The following FBXO15 variants were observed in gnomAD, a reference collection of about 807,000 sequenced individuals.
FBXO15 encodes the protein F-box protein 15.
FBXO15 carries 30 observed loss-of-function variants against 49.5 expected under a neutral mutation model. That is an observed-to-expected ratio of 0.61 (90% CI 0.45 to 0.82). The LOEUF is 0.82. Ranked by LOEUF, FBXO15 falls within the 40% of genes least tolerant of loss-of-function variation. The pLI, the probability that FBXO15 is intolerant of heterozygous loss-of-function variation, is 0.00. For synonymous variants in FBXO15, 250 were observed against 232.7 expected (o/e 1.07, Z -0.68); for missense variants, 591 against 631.5 (o/e 0.94, Z 0.69).
chr18:74,085,682 A>G (rs1200791273), intron 8 of FBXO15, among the ~76,000 whole-genome samples: 1 of 152,258 alleles, frequency 6.6e-6, no homozygotes, highest in Non-Finnish European at 1.5e-5. Context: ...TTGATTTTTG[A>G]CAAAGTCATC....
Position 74,147,787 on chromosome 18 carries a change from G to A in FBXO15, c.-2C>T, listed in dbSNP as rs1375912937. 7.8e-6 allele frequency: 12 copies of A among 1,530,318 alleles called. No homozygotes were observed. The highest frequency in any genetic ancestry group is 1.1e-5 in the Non-Finnish European group (12 of 1,141,082). 94.8% of individuals were successfully genotyped at this position (1,530,318 alleles called of 1,614,324 possible). The stretch of plus-strand genomic sequence containing the variant: ...GATCCGACCGCGTCCAGTCGCCATA[G>A]AGACAAGGAGTTCACCACAGGACCG... On this transcript the variant is annotated 5_prime_UTR_variant, in exon 1 of 10. Coordinates refer to ENST00000419743, the MANE Select transcript of FBXO15 (RefSeq NM_001142958.2).
intron 9 of FBXO15, among the ~76,000 whole-genome samples, chr18:74,077,614 G>T (rs190353635): frequency 5.4e-4 from 82 of 152,300 alleles, no homozygotes; most frequent in Non-Finnish European, 9.6e-4. Flanking sequence ...CCTGGGCTGC[G>T]AGGAGGACAC....
At position 74,144,600 on chromosome 18, in the gene FBXO15, G is replaced by A. The variant is rs532189951; in HGVS notation, c.116+3070C>T. ...TCTGCAGCAAACTCAAAATTTCTTA[G>A]GAGTCTCCCAATTGATCTTAAAAAT... On this transcript the variant is annotated intron_variant, in intron 1 of 9. Coordinates refer to ENST00000419743, the MANE Select transcript of FBXO15 (RefSeq NM_001142958.2). Among the ~76,000 whole-genome samples, 42 of 152,192 alleles carry A rather than the reference G, an allele frequency of 2.8e-4. No individual in the cohort carries two copies. In the South Asian group the frequency reaches 8.5e-3, roughly 31 times the overall value.
intron 8 of FBXO15, among the ~76,000 whole-genome samples, chr18:74,082,353 G>C (rs917561916): frequency 6.6e-6 from 1 of 152,202 alleles, no homozygotes; most frequent in Admixed American, 6.5e-5. Context: ...CGCTGAAGGA[G>C]GAAAGGGTTC....
rs1979533608 is a variant in FBXO15 at position 74,147,686 on chromosome 18, T to C, written c.100A>G (p.Arg34Gly). The C allele has an allele frequency of 6.8e-7, 1 of 1,465,864 alleles. No homozygotes were observed. The highest frequency in any genetic ancestry group is 2.8e-5 in the East Asian group (1 of 35,388). The allele number at this position is 1,465,864 out of a possible 1,614,324, so 90.8% of individuals were successfully genotyped here. The change falls in exon 1 of 10, where the codon AGG becomes GGG. Residue 34 changes from arginine (R) to glycine (G), a missense_variant. Coordinates refer to ENST00000419743, the MANE Select transcript of FBXO15 (RefSeq NM_001142958.2). Reference protein sequence around the residue: ...RGGGAARGRARAFGCRKGPGV... With the variant: ...RGGGAARGRAGAFGCRKGPGV... ...TACAGTCACCTGCACCCAAAGGCCC[T>C]GGCGCGCCCCCGGGCCGCGCCACCG... is the stretch of plus-strand genomic sequence containing the variant.
intron 1 of FBXO15, chr18:74,147,409 A>T: frequency 1.1e-6 from 1 of 887,732 alleles, no homozygotes; most frequent in Non-Finnish European, 1.4e-6. Flanking sequence ...CTGTCCTGGC[A>T]GGTGCGCGCA....
intron 8 of FBXO15, among the ~76,000 whole-genome samples, chr18:74,096,393 C>T (rs1913275250): frequency 6.6e-6 from 1 of 151,954 alleles, no homozygotes; most frequent in African/African-American, 2.4e-5. Flanking sequence ...TTTGGGGCCT[C>T]CTGCATCTGA....
intron 1 of FBXO15, among the ~76,000 whole-genome samples, chr18:74,145,491 G>A (rs143116665): frequency 6.1e-4 from 93 of 151,500 alleles, no homozygotes; most frequent in African/African-American, 2.1e-3. Flanking sequence ...TCCTGTCAGA[G>A]CTCTCTGTAC....
chr18:74,102,337 AACAAACAC>A (rs1351656206), intron 8 of FBXO15, among the ~76,000 whole-genome samples: 1 of 152,212 alleles, frequency 6.6e-6, no homozygotes, highest in Non-Finnish European at 1.5e-5. Flanking sequence ...ACAAATGGCC[AACAAACAC>A]AAAAAAAATG....
chr18:74,095,400 T>C (rs1251090854), intron 8 of FBXO15, among the ~76,000 whole-genome samples: 1 of 152,206 alleles, frequency 6.6e-6, no homozygotes, highest in Non-Finnish European at 1.5e-5. Flanking sequence ...AACTCTTCAC[T>C]TGAATGCTTA....
chr18:74,123,833 C>T (rs1914577612), intron 7 of FBXO15, among the ~76,000 whole-genome samples: 1 of 152,074 alleles, frequency 6.6e-6, no homozygotes, highest in Non-Finnish European at 1.5e-5. Context: ...TCTCAGTGTC[C>T]AGGGGACAAA....
Position 74,147,803 on chromosome 18 carries a change from C to T in FBXO15, c.-18G>A, listed in dbSNP as rs1599203185. ...GTCGCCATAGAGACAAGGAGTTCAC[C>T]ACAGGACCGCGCCAGGGCTGAAACG... On this transcript the variant is annotated 5_prime_UTR_variant, in exon 1 of 10. Coordinates refer to ENST00000419743, the MANE Select transcript of FBXO15 (RefSeq NM_001142958.2). 2.6e-6 allele frequency: 4 copies of T among 1,510,112 alleles called. No homozygotes were observed. Among genetic ancestry groups the T allele is most frequent in the African/African-American group, 2.8e-5 (2 of 70,598 alleles). The allele number at this position is 1,510,112 out of a possible 1,614,324, so 93.5% of individuals were successfully genotyped here.
Position 74,145,174 on chromosome 18 carries a change from C to T in FBXO15, c.116+2496G>A, listed in dbSNP as rs188829392. On this transcript the variant is annotated intron_variant, in intron 1 of 9. Coordinates refer to ENST00000419743, the MANE Select transcript of FBXO15 (RefSeq NM_001142958.2). Reference sequence around the variant, plus strand: ...TCTTTGGCTAAAACATTTAACAGGGCTTAGTTAGTTCAATTCTACAAATAC... The same window carrying T: ...TCTTTGGCTAAAACATTTAACAGGGTTTAGTTAGTTCAATTCTACAAATAC... Among the ~76,000 whole-genome samples the T allele has an allele frequency of 2.0e-3, 308 of 152,216 alleles. 1 individual carries two copies. The highest frequency in any genetic ancestry group is 6.3e-3 in the Admixed American group (97 of 15,292).
intron 5 of FBXO15, among the ~76,000 whole-genome samples, chr18:74,128,825 A>G (rs1005183929): frequency 5.3e-5 from 8 of 152,356 alleles, no homozygotes; most frequent in African/African-American, 1.9e-4. Context: ...CATGTGCTGC[A>G]CACTTAGCTG....
Position 74,074,502 on chromosome 18 carries a change from G to A in FBXO15, c.1264-772C>T, listed in dbSNP as rs1047978009. 3.3e-5 allele frequency among the ~76,000 whole-genome samples: 5 copies of A among 152,108 alleles called. No homozygotes were observed. The East Asian group carries it at 9.6e-4, about 29-fold the overall frequency. On this transcript the variant is annotated intron_variant, in intron 9 of 9. Coordinates refer to ENST00000419743, the MANE Select transcript of FBXO15 (RefSeq NM_001142958.2). The surrounding 1 kb of genome is among the most constrained non-coding windows in gnomAD (Gnocchi z 4.7). ...TCACATGGCCGACACAGCACTTCCC[G>A]GAAGTGGTCCACTTTCACTATCCAT...
intron 8 of FBXO15, chr18:74,123,014 C>T (rs112565090): frequency 1.1e-3 from 196 of 186,156 alleles, no homozygotes; most frequent in Admixed American, 1.1e-3. Flanking sequence ...TGGAGCGGCA[C>T]GGGCCCTGCT....
intron 8 of FBXO15, among the ~76,000 whole-genome samples, chr18:74,104,657 A>C (rs974478804): frequency 2.0e-5 from 3 of 152,188 alleles, no homozygotes; most frequent in Admixed American, 1.3e-4. Flanking sequence ...ACTACAAATC[A>C]GGATAAAATA....
intron 5 of FBXO15, among the ~76,000 whole-genome samples, chr18:74,128,371 T>C (rs1599177756): frequency 1.4e-5 from 2 of 147,762 alleles, no homozygotes; most frequent in Admixed American, 1.4e-4. Context: ...AGGGAAACCA[T>C]GAAAGAACCC....
At chr18:74,121,210 A>T (rs1914450723) in intron 8 of FBXO15, among the ~76,000 whole-genome samples, 1 of 152,232 alleles carries the variant, frequency 6.6e-6, no homozygotes, top group Non-Finnish European at 1.5e-5. Context: ...CCAGGCTTGG[A>T]TGAATTCTAC....
Sources: allele counts gnomAD v4.1 joint callset (sites outside exome capture counted in the v4.1 genomes callset), GRCh38; gene constraint gnomAD v4.1.1; non-coding constraint Gnocchi (gnomAD v3.1); transcripts MANE v1.5; gene names NCBI Gene and HGNC (gene_info 2026-07-23, HGNC 2026-07-21).